Variants in LDAH observed in about 807,000 individuals in gnomAD.
The protein encoded by LDAH is lipid droplet-associated hydrolase.
Under a neutral mutation model 29.6 loss-of-function variants are expected in LDAH, and 26 were observed. The ratio of observed to expected loss-of-function variants is 0.88; its 90% CI spans 0.64 to 1.22. The LOEUF (loss-of-function observed/expected upper bound fraction) is 1.22, where lower values mean the gene tolerates loss of function less well. LDAH is among the 50% of genes most tolerant of loss of function. The pLI, the probability that LDAH is intolerant of heterozygous loss-of-function variation, is 0.00. For missense variants in LDAH, 344 were observed against 387.3 expected (o/e 0.89, Z 0.94); for synonymous variants, 117 against 133.0 (o/e 0.88, Z 0.83).
At chr2:20,814,448 T>C (rs1300847916) in intron 1 of LDAH, among the ~76,000 whole-genome samples, 4 of 152,168 alleles carry the variant, frequency 2.6e-5, no homozygotes, top group Non-Finnish European at 5.9e-5. Context: ...AAGAACTTTT[T>C]GATTTTTTAT....
At chr2:20,718,968 T>A (rs1665445425) in intron 5 of LDAH, among the ~76,000 whole-genome samples, 2 of 151,670 alleles carry the variant, frequency 1.3e-5, no homozygotes, top group South Asian at 4.1e-4. Flanking sequence ...TTAAAACAAA[T>A]GAAAATGGAA....
Position 20,823,062 on chromosome 2 carries a change from C to G in LDAH, c.-28G>C, listed in dbSNP as rs764791018. 6.6e-6 allele frequency: 1 copy of G among 152,394 alleles called. No homozygotes were observed. The highest frequency in any genetic ancestry group is 1.5e-5 in the Non-Finnish European group (1 of 68,192). The allele number at this position is 152,394 out of a possible 1,614,324, so 9.4% of individuals were successfully genotyped here. A position where few individuals can be genotyped will look rare whatever the true frequency, so the allele number is the denominator to read the frequency against. On this transcript the variant is annotated 5_prime_UTR_variant, in exon 1 of 7. Transcript: ENST00000237822. ...CTGTCCACCTGGAAGGCTGCCCGCT[C>G]TCCCTGAGGGTCCTGGGAAGGCGGC...
intron 5 of LDAH, among the ~76,000 whole-genome samples, chr2:20,703,703 C>T (rs994383940): frequency 6.6e-6 from 1 of 152,122 alleles, no homozygotes; most frequent in South Asian, 2.1e-4. Context: ...ACCTCCTTTC[C>T]AGGACCCTGA....
rs1208830389 is a variant in LDAH at position 20,785,886 on chromosome 2, G to A, written c.298+4369C>T. Among the ~76,000 whole-genome samples the A allele has an allele frequency of 6.6e-5, 10 of 152,178 alleles. No homozygotes were observed. The East Asian group carries it at 1.4e-3, about 21-fold the overall frequency. ...GATTCTTTCTTAAGAGTTCCCTACT[G>A]TCTGCTTGCATTACCCATCTGTTCT... is the stretch of plus-strand genomic sequence containing the variant. On this transcript the variant is annotated intron_variant, in intron 3 of 6. Coordinates refer to ENST00000237822, the MANE Select transcript of LDAH (RefSeq NM_021925.4).
chr2:20,787,848 G>T (rs1670662527), intron 3 of LDAH, among the ~76,000 whole-genome samples: 1 of 152,096 alleles, frequency 6.6e-6, no homozygotes, highest in Admixed American at 6.6e-5. Context: ...TGACATAGGG[G>T]AAAAAGCACT....
At chr2:20,790,910 G>A (rs1027450531) in intron 2 of LDAH, among the ~76,000 whole-genome samples, 2 of 152,070 alleles carry the variant, frequency 1.3e-5, no homozygotes, top group African/African-American at 2.4e-5. Flanking sequence ...ATAAATAAAC[G>A]ATCTTTTTAA....
At chr2:20,790,519 C>T (rs1168676265) in intron 2 of LDAH, 121 bp from the exon 3 acceptor site, 2 of 763,250 alleles carry the variant, frequency 2.6e-6, no homozygotes, top group South Asian at 1.8e-5. Flanking sequence ...TTCAGAGTAC[C>T]CAAGAGAGAT....
intron 5 of LDAH, among the ~76,000 whole-genome samples, chr2:20,710,606 G>GTGTGTATATATATATATA (rs1467950593): frequency 3.0e-5 from 4 of 131,874 alleles, no homozygotes; most frequent in African/African-American, 8.3e-5. Flanking sequence ...GTGTGTGTGT[G>GTGTGTATATATATATATA]TATATATATA....
At chr2:20,717,611 T>C (rs1268878117) in intron 5 of LDAH, among the ~76,000 whole-genome samples, 2 of 152,262 alleles carry the variant, frequency 1.3e-5, no homozygotes, top group Non-Finnish European at 2.9e-5. Context: ...ATTTACATGC[T>C]TTTCTGCCTC....
At chr2:20,802,051 C>T (rs1384885666) in intron 1 of LDAH, among the ~76,000 whole-genome samples, 1 of 149,934 alleles carries the variant, frequency 6.7e-6, no homozygotes, top group East Asian at 1.9e-4. Flanking sequence ...ATCTATCTAT[C>T]TATATACACA....
chr2:20,813,356 T>C (rs1558504146), intron 1 of LDAH, among the ~76,000 whole-genome samples: 3 of 152,196 alleles, frequency 2.0e-5, no homozygotes, highest in African/African-American at 4.8e-5. Context: ...GCATATTATA[T>C]ATACTTCTAT....
intron 5 of LDAH, among the ~76,000 whole-genome samples, chr2:20,724,283 C>A (rs1458009192): frequency 6.6e-6 from 1 of 152,232 alleles, no homozygotes; most frequent in East Asian, 1.9e-4. Flanking sequence ...CATTACCATT[C>A]ATACCTTGTA....
At chr2:20,695,194 A>C (rs1663348701) in intron 6 of LDAH, among the ~76,000 whole-genome samples, 1 of 152,200 alleles carries the variant, frequency 6.6e-6, no homozygotes, top group Non-Finnish European at 1.5e-5. Flanking sequence ...CCTATACAAC[A>C]GCTCCTTGAG....
chr2:20,700,399 T>A (rs562359858), intron 6 of LDAH, among the ~76,000 whole-genome samples: 175 of 152,194 alleles, frequency 1.1e-3, no homozygotes, highest in Non-Finnish European at 1.8e-3. Flanking sequence ...AAAAAAAAAA[T>A]TTTAAGAACA....
chr2:20,732,514 T>C (rs182703711), intron 5 of LDAH, among the ~76,000 whole-genome samples: 17 of 152,296 alleles, frequency 1.1e-4, no homozygotes, highest in Non-Finnish European at 2.1e-4. Flanking sequence ...TCTGAGCCTC[T>C]AAATGTCTTT....
chr2:20,735,134 A>T (rs111925557), intron 5 of LDAH, among the ~76,000 whole-genome samples: 4,289 of 152,186 alleles, frequency 0.028, 203 homozygotes, highest in African/African-American at 0.099. Flanking sequence ...TTTTAAATTC[A>T]CTCAGCTTCT....
intron 5 of LDAH, among the ~76,000 whole-genome samples, chr2:20,720,413 C>T (rs985238068): frequency 6.6e-6 from 1 of 151,746 alleles, no homozygotes; most frequent in African/African-American, 2.4e-5. Flanking sequence ...GTGAATTTAA[C>T]AAAACAAGTT....
Position 20,698,823 on chromosome 2 carries a change from G to A in LDAH, c.786+2747C>T, listed in dbSNP as rs1485521642. 6.6e-6 allele frequency among the ~76,000 whole-genome samples: 1 copy of A among 152,170 alleles called. No homozygotes were observed. The highest frequency in any genetic ancestry group is 6.5e-5 in the Admixed American group (1 of 15,274). On this transcript the variant is annotated intron_variant, in intron 6 of 6. Transcript: ENST00000237822. The surrounding 1 kb of genome is among the most constrained non-coding windows in gnomAD (Gnocchi z 4.4). ...AATAAATTACTTTATGTCCAATACT[G>A]TGTATAAAGTCACTGGACCTCAGAA...
chr2:20,685,872 C>T lies in LDAH; in HGVS notation c.*1031G>A, dbSNP rs1051527665. The stretch of plus-strand genomic sequence containing the variant: ...GTTCATTAACAAAATAATTTCTTTC[C>T]AGCAAATGAAGTTAATGCAGAAATG... On this transcript the variant is annotated 3_prime_UTR_variant, in exon 7 of 7. Coordinates refer to ENST00000237822, the MANE Select transcript of LDAH (RefSeq NM_021925.4). 2.1e-6 allele frequency: 1 copy of T among 473,406 alleles called. No homozygotes were observed. The highest frequency in any genetic ancestry group is 2.0e-5 in the African/African-American group (1 of 49,902). The allele number at this position is 473,406 out of a possible 1,614,324, so 29.3% of individuals were successfully genotyped here. A position where few individuals can be genotyped will look rare whatever the true frequency, so the allele number is the denominator to read the frequency against.
Sources: gnomAD v4.1 joint callset for allele counts (sites outside exome capture counted in the v4.1 genomes callset) on GRCh38, gnomAD v4.1.1 for gene constraint, Gnocchi (gnomAD v3.1) non-coding constraint, MANE v1.5 for transcripts, NCBI Gene and HGNC (gene_info 2026-07-23, HGNC 2026-07-21) for gene names.